The following FARP1 variants were observed in gnomAD, a reference collection of about 807,000 sequenced individuals.
FARP1 encodes FERM, ARHGEF and pleckstrin domain-containing protein 1.
FARP1 carries 52 observed loss-of-function variants against 128.8 expected under a neutral mutation model. The observed-to-expected ratio is 0.40, with a 90% CI of 0.32 to 0.51. The LOEUF (loss-of-function observed/expected upper bound fraction) is 0.51. Among genes scored for constraint, FARP1 ranks in the 20% least tolerant of loss-of-function variants. The probability of loss-of-function intolerance (pLI) is 0.45; values close to 1 mark genes in which losing one functional copy is unlikely to be tolerated. For synonymous variants in FARP1, 580 were observed against 551.8 expected (o/e 1.05, Z -0.72); for missense variants, 1,333 against 1,367.9 (o/e 0.97, Z 0.40).
chr13:98,315,404 A>G (rs1194989664), intron 2 of FARP1, among the ~76,000 whole-genome samples: 1 of 152,162 alleles, frequency 6.6e-6, no homozygotes, highest in African/African-American at 2.4e-5. Flanking sequence ...CCTCCCAGAC[A>G]AGGATGAAGT....
intron 17 of FARP1, among the ~76,000 whole-genome samples, chr13:98,430,606 C>G (rs536574777): frequency 6.6e-6 from 1 of 152,148 alleles, no homozygotes. Flanking sequence ...GCAGACGGGG[C>G]GAGGGAAGCA....
At chr13:98,156,645 C>T (rs1354555883) in intron 1 of FARP1, among the ~76,000 whole-genome samples, 1 of 151,940 alleles carries the variant, frequency 6.6e-6, no homozygotes, top group African/African-American at 2.4e-5. Flanking sequence ...TGGCATCAAG[C>T]GATCCTCCTG....
In FARP1 at chr13:98,176,548, A is replaced by G. The variant is rs373685549; in HGVS notation, c.-24+33056A>G. On this transcript the variant is annotated intron_variant, in intron 1 of 26. Transcript: ENST00000319562. This position sits in a 1 kb window ranked among gnomAD's most constrained non-coding sequence, Gnocchi z 6.2. The stretch of plus-strand genomic sequence containing the variant: ...GCAGATACAGTAGCGACCCTCTTCA[A>G]GCTCCCGTTCAATCTCCCACCCGAG... 3 of 1,613,990 alleles carry G rather than the reference A, an allele frequency of 1.9e-6. No homozygotes were observed. The highest frequency in any genetic ancestry group is 1.7e-6 in the Non-Finnish European group (2 of 1,180,022).
rs186265872 is a variant in FARP1, at chr13:98,318,816, A to G, written c.172-24946A>G. Among the ~76,000 whole-genome samples the G allele has an allele frequency of 4.2e-3, 646 of 152,098 alleles. 7 individuals carry two copies. Among genetic ancestry groups the G allele is most frequent in the African/African-American group, 0.015 (604 of 41,474 alleles). Reference sequence around the variant, plus strand: ...GGCAGTAGGCAATGGGGCTGCCCTCACTTGTCTGTGTGCCTGGTGGCGTTT... The same window carrying G: ...GGCAGTAGGCAATGGGGCTGCCCTCGCTTGTCTGTGTGCCTGGTGGCGTTT... On this transcript the variant is annotated intron_variant, in intron 2 of 26. Transcript: ENST00000319562.
intron 2 of FARP1, among the ~76,000 whole-genome samples, chr13:98,342,907 C>G (rs1272992697): frequency 6.6e-6 from 1 of 151,768 alleles, no homozygotes; most frequent in Non-Finnish European, 1.5e-5. Context: ...GCCTGTAATC[C>G]CAGCTACTCC....
rs1171091673 is a variant in FARP1 at position 98,256,983 on chromosome 13, A to G, written c.171+43570A>G. On this transcript the variant is annotated intron_variant, in intron 2 of 26. Coordinates refer to ENST00000319562, the MANE Select transcript of FARP1 (RefSeq NM_005766.4). ...TATATATATATATATATATATATAT[A>G]TATATATACCGAAAGATTTCCCTTC... Among the ~76,000 whole-genome samples the G allele has an allele frequency of 2.2e-4, 29 of 134,644 alleles. 1 individual carries two copies. The highest frequency in any genetic ancestry group is 4.1e-3 in the Middle Eastern group (1 of 246). The allele number at this position is 134,644 out of a possible 152,430, so 88.3% of individuals were successfully genotyped here.
At chr13:98,339,951 C>T (rs377325776) in intron 2 of FARP1, among the ~76,000 whole-genome samples, 1 of 152,166 alleles carries the variant, frequency 6.6e-6, no homozygotes, top group African/African-American at 2.4e-5. Flanking sequence ...ATATTGTATG[C>T]ACTCCATACA....
intron 1 of FARP1, chr13:98,177,034 C>A: frequency 6.3e-7 from 1 of 1,594,672 alleles, no homozygotes; most frequent in Non-Finnish European, 8.5e-7. Context: ...GCTGTGGAGG[C>A]CCCGGGGCCT....
rs1327835429 is a variant in FARP1, at chr13:98,448,504, C to CCA, written c.*189_*190dup. 32 of 588,908 alleles carry CCA rather than the reference C, an allele frequency of 5.4e-5. No individual in the cohort carries two copies. Among genetic ancestry groups the CCA allele is most frequent in the South Asian group, 1.2e-4 (6 of 49,332 alleles). 36.5% of individuals were successfully genotyped at this position (588,908 alleles called of 1,614,324 possible). ...CTCAGCGTCTGAATGAACAGCGCTCCCACCTCCAGTCCTGGCATCCGCTGG... is the reference window on the plus strand; with the variant it reads ...CTCAGCGTCTGAATGAACAGCGCTCCCACACCTCCAGTCCTGGCATCCGCTGG... On this transcript the variant is annotated 3_prime_UTR_variant, in exon 27 of 27. Coordinates refer to ENST00000319562, the MANE Select transcript of FARP1 (RefSeq NM_005766.4).
At chr13:98,153,910 G>C (rs527471191) in intron 1 of FARP1, among the ~76,000 whole-genome samples, 1 of 152,162 alleles carries the variant, frequency 6.6e-6, no homozygotes, top group Non-Finnish European at 1.5e-5. Flanking sequence ...TCCACAGTCA[G>C]GATATGGGAC....
chr13:98,165,710 G>GTTTGTT (rs1877205378), intron 1 of FARP1, among the ~76,000 whole-genome samples: 12 of 74,124 alleles, frequency 1.6e-4, no homozygotes, highest in Non-Finnish European at 2.1e-4. Flanking sequence ...TCCAGAAGGG[G>GTTTGTT]TTTTTTTTTT....
chr13:98,454,312 G>C lies in FARP1; in HGVS notation c.*5995G>C, dbSNP rs1893348280. 6.6e-6 allele frequency: 1 copy of C among 152,106 alleles called. No homozygotes were observed. The highest frequency in any genetic ancestry group is 1.5e-5 in the Non-Finnish European group (1 of 68,026). 9.4% of individuals were successfully genotyped at this position (152,106 alleles called of 1,614,324 possible). A position where few individuals can be genotyped will look rare whatever the true frequency, so the allele number is the denominator to read the frequency against. On this transcript the variant is annotated 3_prime_UTR_variant, in exon 27 of 27. Transcript: ENST00000319562. ...CAGAAGACAACAAAGGGTGAGAACG[G>C]GGTCCCCTCATGACCACAATTCCCT...
chr13:98,343,823 G>A lies in FARP1; in HGVS notation c.233G>A (p.Gly78Asp), dbSNP rs1888069768. 4 of 1,613,690 alleles carry A rather than the reference G, an allele frequency of 2.5e-6. No individual in the cohort carries two copies. Among genetic ancestry groups the A allele is most frequent in the African/African-American group, 1.3e-5 (1 of 74,626 alleles). The change falls in exon 3 of 27, where the codon GGT becomes GAT. Residue 78 changes from glycine to aspartate, a missense_variant. Gly to Asp is a moderately conservative substitution (Grantham distance 94). Coordinates refer to ENST00000319562, the MANE Select transcript of FARP1 (RefSeq NM_005766.4). ...AVCNHLNLVEGDYFGLEFPDH... is the reference protein window; with the variant it reads ...AVCNHLNLVEDDYFGLEFPDH... ...TGCAACCACCTCAACCTCGTGGAAG[G>A]TGACTATTTTGGCCTCGAGTTTCCT... is the stretch of plus-strand genomic sequence containing the variant.
intron 1 of FARP1, among the ~76,000 whole-genome samples, chr13:98,172,837 T>A (rs933952474): frequency 2.0e-5 from 3 of 152,144 alleles, no homozygotes; most frequent in African/African-American, 7.2e-5. Flanking sequence ...AAGGAGAGTA[T>A]GAGATAACTT....
At position 98,409,607 on chromosome 13, in the gene FARP1, TACATAAGAGCAAAGGTACC is replaced by T; in HGVS notation, c.1602+84_1602+102del. On this transcript the variant is annotated intron_variant, in intron 14 of 26. Transcript: ENST00000319562. ...GAATTTTAAAAATTGTACTAAAATA[TACATAAGAGCAAAGGTACC>T]ATGTGAGCCATTTTCAAGTGTACAG... 2.3e-6 allele frequency: 3 copies of T among 1,285,770 alleles called. No homozygotes were observed. In the African/African-American group the frequency reaches 4.4e-5, roughly 19 times the overall value. The allele number at this position is 1,285,770 out of a possible 1,614,324, so 79.6% of individuals were successfully genotyped here.
chr13:98,351,689 AGGCCTCAGGAAGTTTTTACTCAT>A (rs1254702950), intron 3 of FARP1, among the ~76,000 whole-genome samples: 49 of 152,004 alleles, frequency 3.2e-4, no homozygotes, highest in Admixed American at 2.7e-3. Context: ...AAGCATGGTG[AGGCCTCAGGAAGTTTTTACTCAT>A]GGCAGAAGGT....
At chr13:98,211,798 A>G (rs1162781634) in intron 1 of FARP1, among the ~76,000 whole-genome samples, 1 of 152,216 alleles carries the variant, frequency 6.6e-6, no homozygotes, top group Admixed American at 6.5e-5. Context: ...TCCTTCTGAC[A>G]CTAAATATGC....
Position 98,204,921 on chromosome 13 carries a change from C to T in FARP1, c.-23-8299C>T, listed in dbSNP as rs147946175. On this transcript the variant is annotated intron_variant, in intron 1 of 26. Coordinates refer to ENST00000319562, the MANE Select transcript of FARP1 (RefSeq NM_005766.4). Reference sequence around the variant, plus strand: ...TGTGATCATGCCACTGCTCTCTAGCCCAGGTGACAGAGTGAGACCCTATCT... The same window carrying T: ...TGTGATCATGCCACTGCTCTCTAGCTCAGGTGACAGAGTGAGACCCTATCT... Among the ~76,000 whole-genome samples, 363 of 150,896 alleles carry T rather than the reference C, an allele frequency of 2.4e-3. 1 individual carries two copies. The highest frequency in any genetic ancestry group is 8.3e-3 in the African/African-American group (342 of 41,328).
intron 2 of FARP1, among the ~76,000 whole-genome samples, chr13:98,214,391 C>G (rs1259718114): frequency 1.3e-5 from 2 of 151,992 alleles, no homozygotes; most frequent in Non-Finnish European, 2.9e-5. Flanking sequence ...AATACCATGT[C>G]TAATATTGTT....
Sources: gnomAD v4.1 joint callset for allele counts (sites outside exome capture counted in the v4.1 genomes callset) on GRCh38, gnomAD v4.1.1 for gene constraint, Gnocchi (gnomAD v3.1) non-coding constraint, MANE v1.5 for transcripts, NCBI Gene and HGNC (gene_info 2026-07-23, HGNC 2026-07-21) for gene names.